Variants in SMARCD2 observed in about 807,000 individuals in gnomAD.
SMARCD2 encodes SWI/SNF-related matrix-associated actin-dependent regulator of chromatin subfamily D member 2.
SMARCD2 carries 39 observed loss-of-function variants against 70.4 expected under a neutral mutation model. The observed-to-expected ratio is 0.55, with a 90% CI of 0.43 to 0.72. SMARCD2 has a LOEUF of 0.72. Ranked by LOEUF, SMARCD2 falls within the 30% of genes least tolerant of loss-of-function variation. SMARCD2 has a pLI of 0.00. For missense variants in SMARCD2, 540 were observed against 713.4 expected (o/e 0.76, Z 2.77); for synonymous variants, 249 against 279.4 (o/e 0.89, Z 1.08).
chr17:63,834,720 G>C lies in SMARCD2; in HGVS notation c.804C>G (p.Asp268Glu). ...IELDKELYGP[D>E]NHLVEWHRMP... ...CCACTCTCACCTCCACCAGGTGATT[G>C]TCAGGCCCGTACAGCTCCTTGTCCA... Residue 268 changes from aspartate to glutamate, a missense_variant, in exon 6 of 13, where the codon GAC (aspartate) becomes GAG (glutamate). Physicochemically the swap from Asp to Glu is conservative, Grantham distance 45 (BLOSUM62 2). Coordinates refer to ENST00000448276, the MANE Select transcript of SMARCD2 (RefSeq NM_001098426.2). This position sits in a 1 kb window ranked among gnomAD's most constrained non-coding sequence, Gnocchi z 5.6. The C allele has an allele frequency of 6.2e-7, 1 of 1,612,928 alleles. No homozygotes were observed. The highest frequency in any genetic ancestry group is 8.5e-7 in the Non-Finnish European group (1 of 1,178,916).
chr17:63,841,776 G>A (rs968378316), intron 1 of SMARCD2, among the ~76,000 whole-genome samples: 2 of 152,118 alleles, frequency 1.3e-5, no homozygotes, highest in African/African-American at 2.4e-5. Context: ...ATGACAGGAG[G>A]CAGAAAGCCC....
At chr17:63,840,778 T>C (rs1441238829) in intron 1 of SMARCD2, among the ~76,000 whole-genome samples, 1 of 152,224 alleles carries the variant, frequency 6.6e-6, no homozygotes, top group African/African-American at 2.4e-5. Context: ...CCTTCCCATC[T>C]ACCTCTCCTG....
rs1214342690 is a variant in SMARCD2 at position 63,836,498 on chromosome 17, C to CGG, written c.567+423_567+424insCC. On this transcript the variant is annotated intron_variant, in intron 4 of 12. Transcript: ENST00000448276. ...TAGGTGAAAGAGCGAGACTCCATCT[C>CGG]AGAAAAAAAAAAAAAAAAAAAAAAG... Among the ~76,000 whole-genome samples the CGG allele has an allele frequency of 6.4e-4, 63 of 98,152 alleles. 8 individuals carry two copies. The highest frequency in any genetic ancestry group is 1.5e-3 in the African/African-American group (34 of 23,366). The allele number at this position is 98,152 out of a possible 152,430, so 64.4% of individuals were successfully genotyped here. A position where few individuals can be genotyped will look rare whatever the true frequency, so the allele number is the denominator to read the frequency against.
At chr17:63,838,981 A>G in intron 1 of SMARCD2, 1 of 985,178 alleles carries the variant, frequency 1.0e-6, no homozygotes, top group Non-Finnish European at 1.2e-6. Context: ...GGATGGGGAG[A>G]GGAGGAGCAG....
At chr17:63,839,364 G>T in intron 1 of SMARCD2, 1 of 323,940 alleles carries the variant, frequency 3.1e-6, no homozygotes, top group South Asian at 1.2e-4. Flanking sequence ...TCCTGGGCAG[G>T]TGCTCCGGTA....
In SMARCD2 at chr17:63,832,875, G is replaced by C; in HGVS notation, c.*63C>G. ...CCCAGCCTACGTGTCTGCGGCCCCA[G>C]CAAGGACCCAGAGGGTGGTCTCCCT... is the stretch of plus-strand genomic sequence containing the variant. On this transcript the variant is annotated 3_prime_UTR_variant, in exon 13 of 13. Transcript: ENST00000448276. 2 of 1,452,086 alleles carry C rather than the reference G, an allele frequency of 1.4e-6. No homozygotes were observed. Among genetic ancestry groups the C allele is most frequent in the Non-Finnish European group, 1.9e-6 (2 of 1,057,942 alleles). 90.0% of individuals were successfully genotyped at this position (1,452,086 alleles called of 1,614,324 possible). A position where few individuals can be genotyped will look rare whatever the true frequency, so the allele number is the denominator to read the frequency against.
intron 1 of SMARCD2, chr17:63,838,936 G>T: frequency 1.0e-6 from 1 of 985,384 alleles, no homozygotes; most frequent in Non-Finnish European, 1.2e-6. Flanking sequence ...TTGACCAGAT[G>T]CGGAGATGGA....
At chr17:63,836,651 T>A (rs1180277814) in intron 4 of SMARCD2, 3 of 343,296 alleles carry the variant, frequency 8.7e-6, no homozygotes. Context: ...AAGGTCTGCA[T>A]ATCTATTTAT....
At chr17:63,838,928 G>A in intron 1 of SMARCD2, 3 of 985,376 alleles carry the variant, frequency 3.0e-6, no homozygotes, top group Non-Finnish European at 3.6e-6. Flanking sequence ...TCAGATTCTT[G>A]ACCAGATGCG....
chr17:63,834,065 C>T lies in SMARCD2; in HGVS notation c.1084-59G>A. The T allele has an allele frequency of 1.3e-6, 2 of 1,594,026 alleles. No homozygotes were observed. The highest frequency in any genetic ancestry group is 1.7e-4 in the Middle Eastern group (1 of 6,010). On this transcript the variant is annotated intron_variant, in intron 8 of 12. Coordinates refer to ENST00000448276, the MANE Select transcript of SMARCD2 (RefSeq NM_001098426.2). This position sits in a 1 kb window ranked among gnomAD's most constrained non-coding sequence, Gnocchi z 5.6. ...GTGGGCACAGTGGAGTGGACCATTC[C>T]AGGACCAGTGAGGGCAGCAGTCTGC...
At chr17:63,842,231 A>C in intron 1 of SMARCD2, 1 of 646,362 alleles carries the variant, frequency 1.5e-6, no homozygotes, top group African/African-American at 1.9e-5. Flanking sequence ...GTGCCGCGGA[A>C]GCCCCCAGGC....
rs1416317431 is a variant in SMARCD2, at chr17:63,832,126, G to A, written c.*812C>T. ...TTGGAAATTTCCAAACCTGCCAGAT[G>A]TGGCACTCGCCAAGCCCTAGGCCCA... On this transcript the variant is annotated 3_prime_UTR_variant, in exon 13 of 13. Transcript: ENST00000448276. 4.0e-6 allele frequency: 3 copies of A among 755,096 alleles called. No homozygotes were observed. The highest frequency in any genetic ancestry group is 6.5e-6 in the Non-Finnish European group (3 of 459,342). 46.8% of individuals were successfully genotyped at this position (755,096 alleles called of 1,614,324 possible).
intron 4 of SMARCD2, 168 bp from the exon 5 acceptor site, chr17:63,835,735 T>G (rs2040257397): frequency 5.4e-6 from 1 of 186,494 alleles, no homozygotes; most frequent in East Asian, 1.3e-4. Context: ...AGTCCCAGCC[T>G]TTTTTTTTTT....
chr17:63,834,078 G>A lies in SMARCD2; in HGVS notation c.1084-72C>T. ...AGTGGACCATTCCAGGACCAGTGAG[G>A]GCAGCAGTCTGCAGGCTGTGGCCAA... On this transcript the variant is annotated intron_variant, in intron 8 of 12. Coordinates refer to ENST00000448276, the MANE Select transcript of SMARCD2 (RefSeq NM_001098426.2). This position sits in a 1 kb window ranked among gnomAD's most constrained non-coding sequence, Gnocchi z 5.6. 3.1e-6 allele frequency: 5 copies of A among 1,592,268 alleles called. No homozygotes were observed. The highest frequency in any genetic ancestry group is 1.1e-5 in the South Asian group (1 of 90,244).
rs1288722577 is a variant in SMARCD2 at position 63,834,631 on chromosome 17, C to T, written c.820-56G>A. The stretch of plus-strand genomic sequence containing the variant: ...AAGGGGGTGGGCGTGAACACAGGGC[C>T]TCCCAAGGGCCCTGAGGCCATTTCC... On this transcript the variant is annotated intron_variant, in intron 6 of 12. Coordinates refer to ENST00000448276, the MANE Select transcript of SMARCD2 (RefSeq NM_001098426.2). The surrounding 1 kb of genome is among the most constrained non-coding windows in gnomAD (Gnocchi z 5.6). 1 of 1,569,526 alleles carries T rather than the reference C, an allele frequency of 6.4e-7. No homozygotes were observed. Among genetic ancestry groups the T allele is most frequent in the East Asian group, 2.2e-5 (1 of 44,574 alleles).
chr17:63,836,742 C>T (rs2040270992), intron 4 of SMARCD2, 180 bp downstream of exon 4: 3 of 604,678 alleles, frequency 5.0e-6, no homozygotes, highest in Non-Finnish European at 8.9e-6. Context: ...TTTCTACTGT[C>T]ATATATTCAT....
intron 1 of SMARCD2, among the ~76,000 whole-genome samples, chr17:63,842,136 C>T (rs1336901093): frequency 6.6e-6 from 1 of 152,158 alleles, no homozygotes; most frequent in Non-Finnish European, 1.5e-5. Context: ...CACTTTCCAG[C>T]CCTCCTACCC....
chr17:63,842,505 G>A lies in SMARCD2; in HGVS notation c.170C>T (p.Ala57Val), dbSNP rs1405594852. ...PAGGVGGPGA[A>V]AFRPMGPAGP... ...CGCGGGGCCCATGGGGCGGAAGGCG[G>A]CGGCCCCGGGGCCCCCCACGCCTCC... The change falls in exon 1 of 13, where the codon GCC becomes GTC. Residue 57 changes from alanine (A) to valine (V), a missense_variant. Transcript: ENST00000448276. 2.4e-6 allele frequency: 3 copies of A among 1,233,526 alleles called. No homozygotes were observed. The highest frequency in any genetic ancestry group is 3.5e-5 in the South Asian group (1 of 28,966). 76.4% of individuals were successfully genotyped at this position (1,233,526 alleles called of 1,614,324 possible).
chr17:63,839,204 C>A, intron 1 of SMARCD2: 1 of 985,382 alleles, frequency 1.0e-6, no homozygotes, highest in Non-Finnish European at 1.2e-6. Flanking sequence ...AAGCCCAGGC[C>A]CAGACATCCC....
Sources: allele counts gnomAD v4.1 joint callset (sites outside exome capture counted in the v4.1 genomes callset), GRCh38; gene constraint gnomAD v4.1.1; non-coding constraint Gnocchi (gnomAD v3.1); transcripts MANE v1.5; gene names NCBI Gene and HGNC (gene_info 2026-07-23, HGNC 2026-07-21).